PALM2AKAP2: variants seen among roughly 807,000 people sequenced by gnomAD.
PALM2AKAP2 encodes the protein PALM2-AKAP2 fusion protein.
PALM2AKAP2 carries 37 observed loss-of-function variants against 71.5 expected under a neutral mutation model. The observed-to-expected ratio is 0.52, with a 90% CI of 0.40 to 0.68. PALM2AKAP2 has a LOEUF of 0.68. Ranked by LOEUF, PALM2AKAP2 falls within the 30% of genes least tolerant of loss-of-function variation. PALM2AKAP2 has a pLI of 0.00. For missense variants in PALM2AKAP2, 1,224 were observed against 1,191.8 expected, an observed-to-expected ratio of 1.03 and a Z score of -0.40; for synonymous variants, 468 against 478.8, an observed-to-expected ratio of 0.98 and a Z score of 0.29.
chr9:110,090,479 T>A (rs1834681456), intron 1 of PALM2AKAP2: 1 of 456,250 alleles, frequency 2.2e-6, no homozygotes, highest in Non-Finnish European at 4.4e-6. Flanking sequence ...ACACCTTTCA[T>A]GCCTCAAGCT....
chr9:109,746,161 CACTT>C (rs1267354703), intron 1 of PALM2AKAP2, among the ~76,000 whole-genome samples: 3 of 152,190 alleles, frequency 2.0e-5, no homozygotes, highest in African/African-American at 7.2e-5. Flanking sequence ...GAATGACAAC[CACTT>C]AGAGTGACAG....
intron 1 of PALM2AKAP2, among the ~76,000 whole-genome samples, chr9:110,111,086 CTTTTTT>C (rs34958946): frequency 3.6e-5 from 3 of 84,188 alleles, no homozygotes; most frequent in Admixed American, 1.7e-4. Flanking sequence ...TTTCTTTCTT[CTTTTTT>C]TTTTTTTTTT....
At chr9:110,067,821 A>G (rs538666096) in intron 1 of PALM2AKAP2, among the ~76,000 whole-genome samples, 1 of 152,340 alleles carries the variant, frequency 6.6e-6, no homozygotes, top group Non-Finnish European at 1.5e-5. Context: ...TTATGTTGGC[A>G]ATTGCTTAAT....
intron 1 of PALM2AKAP2, among the ~76,000 whole-genome samples, chr9:110,088,422 C>A (rs10465126): frequency 0.28 from 43,085 of 151,936 alleles, 7,988 homozygotes; most frequent in African/African-American, 0.53. Flanking sequence ...CCAAGGCCAA[C>A]CTGATTGGTT....
chr9:110,168,266 A>G (rs1489591036), intron 3 of PALM2AKAP2, 133 bp from the exon 11 acceptor site: 4 of 1,089,242 alleles, frequency 3.7e-6, no homozygotes, highest in Non-Finnish European at 1.3e-6. Context: ...CGTCTCTCCT[A>G]TCTCCCAGCA....
intron 1 of PALM2AKAP2, among the ~76,000 whole-genome samples, chr9:109,641,559 T>TCTGTGTTTGC (rs1827070185): frequency 6.6e-6 from 1 of 152,224 alleles, no homozygotes; most frequent in South Asian, 2.1e-4. Context: ...GGGTCTGGTC[T>TCTGTGTTTGC]AGGATTCCTC....
chr9:109,797,767 G>A (rs1263404918), intron 1 of PALM2AKAP2, among the ~76,000 whole-genome samples: 1 of 152,250 alleles, frequency 6.6e-6, no homozygotes, highest in Admixed American at 6.5e-5. Flanking sequence ...CTCTAGTTTA[G>A]TTCCCTTTGA....
At chr9:109,680,510 C>T (rs910014807) in intron 1 of PALM2AKAP2, among the ~76,000 whole-genome samples, 20 of 152,308 alleles carry the variant, frequency 1.3e-4, no homozygotes, top group Admixed American at 1.0e-3. Flanking sequence ...TTTTCTGTGC[C>T]ATGGATCTCT....
chr9:109,823,700 G>A (rs906868717), intron 1 of PALM2AKAP2, among the ~76,000 whole-genome samples: 1 of 152,148 alleles, frequency 6.6e-6, no homozygotes, highest in Non-Finnish European at 1.5e-5. Flanking sequence ...AATCCAAGGG[G>A]TCTCAGAAAA....
In PALM2AKAP2 at chr9:110,010,447, A is replaced by G. The variant is rs1002672590; in HGVS notation, c.497-5507A>G. Among the ~76,000 whole-genome samples the G allele has an allele frequency of 4.7e-5, 7 of 148,386 alleles. No individual in the cohort carries two copies. The South Asian group carries it at 6.2e-4, about 13-fold the overall frequency. On this transcript the variant is annotated intron_variant, in intron 6 of 9. Coordinates refer to the PALM2AKAP2 transcript ENST00000302798. ...GAGATAGAATATACAATTAATATAC[A>G]TACTATATATATAATATGTATTATA... is the stretch of plus-strand genomic sequence containing the variant.
chr9:109,857,214 A>G (rs1829191599), intron 1 of PALM2AKAP2, among the ~76,000 whole-genome samples: 1 of 152,198 alleles, frequency 6.6e-6, no homozygotes, highest in African/African-American at 2.4e-5. Flanking sequence ...GATTTAGAGC[A>G]TCTCCTCCAT....
intron 1 of PALM2AKAP2, among the ~76,000 whole-genome samples, chr9:109,714,012 G>GT (rs1411938039): frequency 6.6e-6 from 1 of 152,058 alleles, no homozygotes; most frequent in African/African-American, 2.4e-5. Flanking sequence ...TTTCTGTTCA[G>GT]TTTTTTTGTA....
chr9:109,728,045 C>A (rs1828501203), intron 1 of PALM2AKAP2, among the ~76,000 whole-genome samples: 1 of 152,172 alleles, frequency 6.6e-6, no homozygotes, highest in African/African-American at 2.4e-5. Context: ...TCTTGAGTCT[C>A]CTCCACTACA....
At chr9:109,754,316 C>T (rs920635217) in intron 1 of PALM2AKAP2, among the ~76,000 whole-genome samples, 1 of 152,130 alleles carries the variant, frequency 6.6e-6, no homozygotes, top group African/African-American at 2.4e-5. Flanking sequence ...ACTGTGAATC[C>T]TATAACAGAA....
At chr9:109,898,523 A>G (rs7849107) in intron 3 of PALM2AKAP2, among the ~76,000 whole-genome samples, 52,236 of 152,122 alleles carry the variant, frequency 0.34, 9,704 homozygotes, top group East Asian at 0.73. Context: ...ATTCATAGGC[A>G]CTGAGTATTC....
intron 1 of PALM2AKAP2, among the ~76,000 whole-genome samples, chr9:109,699,996 G>T (rs1442985541): frequency 6.6e-6 from 1 of 152,058 alleles, no homozygotes; most frequent in Non-Finnish European, 1.5e-5. Flanking sequence ...GGATGATCTT[G>T]ATCTCCTGAC....
At chr9:109,728,934 C>T (rs79876679) in intron 1 of PALM2AKAP2, among the ~76,000 whole-genome samples, 6,490 of 152,202 alleles carry the variant, frequency 0.043, 192 homozygotes, top group Non-Finnish European at 0.053. Context: ...GCACAGAGAA[C>T]TTTTTGACCT....
intron 7 of PALM2AKAP2, among the ~76,000 whole-genome samples, chr9:110,035,351 T>A (rs1354951165): frequency 7.6e-6 from 1 of 132,370 alleles, no homozygotes; most frequent in Admixed American, 7.8e-5. Flanking sequence ...TTATATATAT[T>A]ATATGTATAA....
intron 3 of PALM2AKAP2, 146 bp from the exon 11 acceptor site, chr9:110,168,253 C>T (rs975835236): frequency 2.0e-5 from 18 of 919,456 alleles, no homozygotes; most frequent in Non-Finnish European, 2.7e-5. Context: ...CCCCTTTTTC[C>T]AGCGTCTCTC....
Sources: gnomAD v4.1 joint callset for allele counts (sites outside exome capture counted in the v4.1 genomes callset) on GRCh38, gnomAD v4.1.1 for gene constraint, MANE v1.5 for transcripts, NCBI Gene and HGNC (gene_info 2026-07-23, HGNC 2026-07-21) for gene names.